The following GPC5 variants were observed in gnomAD, a reference collection of about 807,000 sequenced individuals.
GPC5 encodes the protein glypican 5.
GPC5 carries 47 observed loss-of-function variants against 53.9 expected under a neutral mutation model. The observed-to-expected ratio is 0.87, with a 90% CI of 0.69 to 1.11. GPC5 has a LOEUF of 1.11. Among genes scored for constraint, GPC5 ranks in the 50% most tolerant of loss-of-function variants. The pLI, the probability that GPC5 is intolerant of heterozygous loss-of-function variation, is 0.00. For synonymous variants in GPC5, 286 were observed against 263.3 expected (o/e 1.09, Z -0.84); for missense variants, 748 against 713.1 (o/e 1.05, Z -0.56).
intron 7 of GPC5, among the ~76,000 whole-genome samples, chr13:92,731,835 G>A (rs1225121375): frequency 2.0e-5 from 3 of 151,400 alleles, no homozygotes; most frequent in African/African-American, 7.3e-5. Flanking sequence ...ATATAAATGG[G>A]TGTTGAGTGA....
At chr13:92,173,562 T>A (rs2042085659) in intron 7 of GPC5, among the ~76,000 whole-genome samples, 1 of 152,138 alleles carries the variant, frequency 6.6e-6, no homozygotes, top group Admixed American at 6.5e-5. Flanking sequence ...AATTACTTAT[T>A]CAAATTTTGC....
intron 2 of GPC5, among the ~76,000 whole-genome samples, chr13:91,599,219 C>T (rs977663954): frequency 6.6e-6 from 1 of 152,044 alleles, no homozygotes; most frequent in African/African-American, 2.4e-5. Context: ...TGCAGAGATA[C>T]TAATCTGTGA....
intron 7 of GPC5, among the ~76,000 whole-genome samples, chr13:92,605,021 A>C (rs142232863): frequency 1.3e-5 from 2 of 152,346 alleles, no homozygotes; most frequent in Non-Finnish European, 2.9e-5. Context: ...CCAGGGTCCC[A>C]TTACATCTCC....
intron 7 of GPC5, among the ~76,000 whole-genome samples, chr13:92,236,092 T>A (rs1163272795): frequency 3.3e-5 from 5 of 152,112 alleles, no homozygotes; most frequent in African/African-American, 7.2e-5. Flanking sequence ...TTTAGTTCTG[T>A]ATTATAACAA....
chr13:92,167,835 CATTTTAGTT>C lies in GPC5; in HGVS notation c.1561+22847_1561+22855del, dbSNP rs1271765393. On this transcript the variant is annotated intron_variant, in intron 7 of 7. Coordinates refer to ENST00000377067, the MANE Select transcript of GPC5 (RefSeq NM_004466.6). ...CTTTGTAGCTCAATTTAATTTTACT[CATTTTAGTT>C]CAGTATCAGTTTTCAACTTAGGACC... Among the ~76,000 whole-genome samples the C allele has an allele frequency of 2.0e-5, 3 of 149,958 alleles. No individual in the cohort carries two copies. In the East Asian group the frequency reaches 5.9e-4, roughly 30 times the overall value.
intron 6 of GPC5, among the ~76,000 whole-genome samples, chr13:92,058,185 A>C (rs1043261301): frequency 8.5e-5 from 13 of 152,156 alleles, no homozygotes; most frequent in Admixed American, 8.5e-4. Flanking sequence ...TTTTTAAAAA[A>C]TATATTTTTA....
At chr13:91,928,266 A>G (rs2039787748) in intron 6 of GPC5, among the ~76,000 whole-genome samples, 1 of 152,178 alleles carries the variant, frequency 6.6e-6, no homozygotes, top group Non-Finnish European at 1.5e-5. Flanking sequence ...CACTAGTTGA[A>G]GTTGTTGTAA....
intron 6 of GPC5, among the ~76,000 whole-genome samples, chr13:92,116,928 T>C (rs958839644): frequency 6.6e-6 from 1 of 152,236 alleles, no homozygotes; most frequent in African/African-American, 2.4e-5. Context: ...ATATTACATA[T>C]TCGGAATACA....
chr13:92,623,903 G>T (rs750291201), intron 7 of GPC5, among the ~76,000 whole-genome samples: 1 of 151,914 alleles, frequency 6.6e-6, no homozygotes, highest in East Asian at 1.9e-4. Flanking sequence ...TGCCCAGGCC[G>T]GAGTGCAGTG....
chr13:91,704,684 T>C (rs1375416569), intron 3 of GPC5, among the ~76,000 whole-genome samples: 1 of 152,240 alleles, frequency 6.6e-6, no homozygotes, highest in Non-Finnish European at 1.5e-5. Flanking sequence ...ACAGTGCCTC[T>C]CAACTTTCTC....
At chr13:91,882,210 C>A (rs1182354984) in intron 5 of GPC5, among the ~76,000 whole-genome samples, 1 of 151,776 alleles carries the variant, frequency 6.6e-6, no homozygotes, top group Non-Finnish European at 1.5e-5. Flanking sequence ...GGTAATGTAA[C>A]CTGTATGGTT....
rs1415888965 is a variant in GPC5 at position 92,796,949 on chromosome 13, T to C, written c.1562-69333T>C. On this transcript the variant is annotated intron_variant, in intron 7 of 7. Transcript: ENST00000377067. ...GAATCTGTTGCTTTACATAATTTTG[T>C]TTAATCAACTGGCTTCTTCGAAAAG... Among the ~76,000 whole-genome samples, 3 of 152,088 alleles carry C rather than the reference T, an allele frequency of 2.0e-5. No individual in the cohort carries two copies. In the East Asian group the frequency reaches 5.8e-4, roughly 30 times the overall value.
chr13:91,880,845 C>A (rs2039256395), intron 5 of GPC5, among the ~76,000 whole-genome samples: 1 of 152,178 alleles, frequency 6.6e-6, no homozygotes, highest in African/African-American at 2.4e-5. Flanking sequence ...GGCTGGAGTG[C>A]AGTGGTGTGA....
intron 1 of GPC5, among the ~76,000 whole-genome samples, chr13:91,401,148 GCTGATTTAGATCCA>G (rs1261134971): frequency 2.6e-5 from 4 of 152,164 alleles, no homozygotes; most frequent in African/African-American, 9.7e-5. Context: ...AAAGTGCTAT[GCTGATTTAGATCCA>G]CCCCCCAAAA....
chr13:91,649,006 G>A (rs2034631018), intron 2 of GPC5, among the ~76,000 whole-genome samples: 1 of 152,050 alleles, frequency 6.6e-6, no homozygotes, highest in Non-Finnish European at 1.5e-5. Context: ...TAATGGGAGC[G>A]GTTACCCCCA....
chr13:92,271,620 T>C (rs7984662), intron 7 of GPC5, among the ~76,000 whole-genome samples: 44,688 of 152,054 alleles, frequency 0.29, 6,649 homozygotes, highest in Middle Eastern at 0.45. Context: ...TAGGCACGTT[T>C]AGTAAGGATG....
chr13:92,271,346 C>A lies in GPC5; in HGVS notation c.1561+126357C>A, dbSNP rs2042838427. 3.3e-5 allele frequency among the ~76,000 whole-genome samples: 5 copies of A among 152,140 alleles called. No homozygotes were observed. The South Asian group carries it at 1.0e-3, about 31-fold the overall frequency. ...GTTACTTCTAGCAAAAATATTTTCC[C>A]AGGGATCATGATAAATGAATAATCT... On this transcript the variant is annotated intron_variant, in intron 7 of 7. Coordinates refer to ENST00000377067, the MANE Select transcript of GPC5 (RefSeq NM_004466.6).
At chr13:92,113,537 A>G (rs1444566040) in intron 6 of GPC5, among the ~76,000 whole-genome samples, 1 of 152,152 alleles carries the variant, frequency 6.6e-6, no homozygotes, top group African/African-American at 2.4e-5. Flanking sequence ...TTCACACAAC[A>G]TATACAATTT....
chr13:91,600,698 T>C (rs1469997944), intron 2 of GPC5, among the ~76,000 whole-genome samples: 1 of 152,124 alleles, frequency 6.6e-6, no homozygotes, highest in Non-Finnish European at 1.5e-5. Context: ...TATGTTAGGT[T>C]TTATCAATAA....
Sources: allele counts gnomAD v4.1 joint callset (sites outside exome capture counted in the v4.1 genomes callset), GRCh38; gene constraint gnomAD v4.1.1; transcripts MANE v1.5; gene names NCBI Gene and HGNC (gene_info 2026-07-23, HGNC 2026-07-21).